Variants in ACSS1 observed in about 807,000 individuals in gnomAD.
ACSS1 encodes the protein acetyl-coenzyme A synthetase 2-like, mitochondrial.
Under a neutral mutation model 75.3 loss-of-function variants are expected in ACSS1, and 42 were observed. That is an observed-to-expected ratio of 0.56 (90% confidence interval 0.44 to 0.72). ACSS1 has a LOEUF of 0.72. ACSS1 is among the 30% of genes least tolerant of loss of function. The pLI is 0.00. For missense variants in ACSS1, 782 were observed against 935.7 expected, an observed-to-expected ratio of 0.84 and a Z score of 2.14; for synonymous variants, 380 against 376.8, an observed-to-expected ratio of 1.01 and a Z score of -0.10.
intron 12 of ACSS1, chr20:25,012,310 A>T: frequency 2.0e-6 from 1 of 489,824 alleles, no homozygotes; most frequent in Admixed American, 3.4e-5. Context: ...CAGATACACC[A>T]TGGACAGAAG....
intron 2 of ACSS1, among the ~76,000 whole-genome samples, chr20:25,036,714 G>A (rs535157844): frequency 6.6e-6 from 1 of 152,168 alleles, no homozygotes; most frequent in African/African-American, 2.4e-5. Context: ...CAGCATTTTG[G>A]GAGGCTGAGG....
In ACSS1 at chr20:25,023,632, T is replaced by C. The variant is rs918153267; in HGVS notation, c.641A>G (p.Lys214Arg). The C allele has an allele frequency of 2.5e-6, 4 of 1,604,340 alleles. No individual in the cohort carries two copies. The highest frequency in any genetic ancestry group is 1.7e-5 in the Admixed American group (1 of 59,450). ...TCCTTGGTTGAAGGTGATAACCACC[T>C]TGCACTTGGCTAACAGAGACAACAC... ...LAGRINDAKC[K>R]VVITFNQGLR... is the part of the protein sequence containing the mutation. Residue 214 changes from lysine to arginine, a missense_variant, in exon 4 of 14, where the codon AAG becomes AGG. Transcript: ENST00000323482.
At chr20:25,041,353 C>G (rs62217192) in intron 2 of ACSS1, among the ~76,000 whole-genome samples, 20,432 of 152,180 alleles carry the variant, frequency 0.13, 1,491 homozygotes, top group African/African-American at 0.18. Context: ...CCAGGCCACA[C>G]TCCCTCTGAC....
At chr20:25,013,929 A>G (rs750572630) in intron 9 of ACSS1, 32 bp downstream of exon 9, 2 of 1,586,426 alleles carry the variant, frequency 1.3e-6, no homozygotes, top group Non-Finnish European at 1.7e-6. Flanking sequence ...GGGCAAGCAC[A>G]TGACCCCCAT....
At chr20:25,052,277 A>G (rs527856725) in intron 1 of ACSS1, among the ~76,000 whole-genome samples, 1 of 152,344 alleles carries the variant, frequency 6.6e-6, no homozygotes, top group East Asian at 1.9e-4. Flanking sequence ...GTGAGACAAG[A>G]AAATTCCATT....
chr20:25,024,125 C>G lies in ACSS1; in HGVS notation c.632-484G>C, dbSNP rs141016457. Among the ~76,000 whole-genome samples the G allele has an allele frequency of 6.9e-3, 1,045 of 152,256 alleles. 11 individuals carry two copies. Among genetic ancestry groups the G allele is most frequent in the African/African-American group, 0.024 (998 of 41,538 alleles). Reference sequence around the variant, plus strand: ...TAGAGTGACTTGTGTGGGCCAAGAGCCTTCACTGTCCAGAGATCAGAAACC... The same window carrying G: ...TAGAGTGACTTGTGTGGGCCAAGAGGCTTCACTGTCCAGAGATCAGAAACC... On this transcript the variant is annotated intron_variant, in intron 3 of 13. Coordinates refer to ENST00000323482, the MANE Select transcript of ACSS1 (RefSeq NM_032501.4).
chr20:25,013,858 C>A, intron 9 of ACSS1, 103 bp downstream of exon 9: 1 of 1,371,822 alleles, frequency 7.3e-7, no homozygotes, highest in African/African-American at 1.4e-5. Flanking sequence ...CAGCAGCCTC[C>A]TGCCAGGTAC....
At chr20:25,025,224 C>T (rs568825413) in intron 3 of ACSS1, among the ~76,000 whole-genome samples, 12 of 152,318 alleles carry the variant, frequency 7.9e-5, no homozygotes, top group South Asian at 2.1e-4. Context: ...CCTCCCAAGG[C>T]GCACACCTCA....
In ACSS1 at chr20:25,024,802, G is replaced by A. The variant is rs551170616; in HGVS notation, c.632-1161C>T. Among the ~76,000 whole-genome samples, 3 of 152,184 alleles carry A rather than the reference G, an allele frequency of 2.0e-5. No homozygotes were observed. The East Asian group carries it at 5.8e-4, about 29-fold the overall frequency. ...TTCTCCTCCTAAGAGCCCTGGAGAT[G>A]TCATGGCCATGAGGGTTCCCTGAGA... On this transcript the variant is annotated intron_variant, in intron 3 of 13. Transcript: ENST00000323482.
In ACSS1 at chr20:25,023,078, C is replaced by T; in HGVS notation, c.822G>A (p.Glu274=). The change falls in exon 5 of 14, where the codon GAG becomes GAA. Residue 274 remains glutamate (E), a synonymous_variant. Transcript: ENST00000323482. ...DVPLEQEMAK[E]DPVCAPESMG... ...TGCTCTCTGGGGCGCAAACAGGGTC[C>T]TCCTTGGCCATTTCCTGGCAGGGAG... The T allele has an allele frequency of 6.2e-7, 1 of 1,612,274 alleles. No individual in the cohort carries two copies. Among genetic ancestry groups the T allele is most frequent in the Non-Finnish European group, 8.5e-7 (1 of 1,179,056 alleles).
At chr20:25,051,335 G>A (rs952455158) in intron 1 of ACSS1, among the ~76,000 whole-genome samples, 22 of 152,232 alleles carry the variant, frequency 1.4e-4, no homozygotes, top group African/African-American at 4.6e-4. Context: ...GACCACTTGC[G>A]TCCTCGAGCC....
chr20:25,024,774 C>T (rs2088686921), intron 3 of ACSS1, among the ~76,000 whole-genome samples: 1 of 152,192 alleles, frequency 6.6e-6, no homozygotes, highest in Admixed American at 6.5e-5. Context: ...ACAGGCCCAC[C>T]CTTTCTCCTC....
Position 25,056,036 on chromosome 20 carries a change from G to A in ACSS1, c.334+1733C>T, listed in dbSNP as rs1412928519. 2.6e-5 allele frequency among the ~76,000 whole-genome samples: 4 copies of A among 152,172 alleles called. No homozygotes were observed. In the East Asian group the frequency reaches 5.8e-4, roughly 22 times the overall value. ...TTCTGAAGCTCAATTTCTGGCTAACGTAGCCATAAAGGCCATATTATCAGA... is the reference window on the plus strand; with the variant it reads ...TTCTGAAGCTCAATTTCTGGCTAACATAGCCATAAAGGCCATATTATCAGA... On this transcript the variant is annotated intron_variant, in intron 1 of 13. Coordinates refer to ENST00000323482, the MANE Select transcript of ACSS1 (RefSeq NM_032501.4).
At chr20:25,047,434 G>A (rs1431048529) in intron 2 of ACSS1, among the ~76,000 whole-genome samples, 1 of 152,172 alleles carries the variant, frequency 6.6e-6, no homozygotes, top group Non-Finnish European at 1.5e-5. Context: ...GCCACACTCT[G>A]CCATGTGCTT....
At chr20:25,021,613 G>A (rs963569099) in intron 5 of ACSS1, 77 bp from the exon 6 acceptor site, 13 of 1,549,752 alleles carry the variant, frequency 8.4e-6, no homozygotes, top group African/African-American at 1.4e-5. Flanking sequence ...TAGGAAATAG[G>A]CATGCATAGG....
At chr20:25,034,003 C>T (rs2088869920) in intron 2 of ACSS1, among the ~76,000 whole-genome samples, 1 of 152,232 alleles carries the variant, frequency 6.6e-6, no homozygotes, top group South Asian at 2.1e-4. Flanking sequence ...GAGTCTCACA[C>T]TCTTGCTGCT....
chr20:25,007,377 C>G lies in ACSS1; in HGVS notation c.*385G>C, dbSNP rs908326953. On this transcript the variant is annotated 3_prime_UTR_variant, in exon 14 of 14. Coordinates refer to ENST00000323482, the MANE Select transcript of ACSS1 (RefSeq NM_032501.4). The stretch of plus-strand genomic sequence containing the variant: ...TTCTGACCTTTGTATCTAGACAGAT[C>G]TGGAGAAAACACGGTTGCTACTAGC... The G allele has an allele frequency of 1.9e-5, 21 of 1,098,068 alleles. No individual in the cohort carries two copies. Among genetic ancestry groups the G allele is most frequent in the Non-Finnish European group, 2.2e-5 (20 of 900,900 alleles). The allele number at this position is 1,098,068 out of a possible 1,614,324, so 68.0% of individuals were successfully genotyped here.
rs1479399135 is a variant in ACSS1 at position 25,007,496 on chromosome 20, C to T, written c.*266G>A. 6.1e-6 allele frequency: 8 copies of T among 1,301,932 alleles called. No individual in the cohort carries two copies. The East Asian group carries it at 2.6e-4, about 42-fold the overall frequency. The allele number at this position is 1,301,932 out of a possible 1,614,324, so 80.6% of individuals were successfully genotyped here. On this transcript the variant is annotated 3_prime_UTR_variant, in exon 14 of 14. Coordinates refer to ENST00000323482, the MANE Select transcript of ACSS1 (RefSeq NM_032501.4). The stretch of plus-strand genomic sequence containing the variant: ...GGGCAGAGGAATGGAGATGGCAATG[C>T]CTTTTCATTCCAGGAAACCAAACTC...
intron 13 of ACSS1, among the ~76,000 whole-genome samples, chr20:25,008,309 T>C (rs1600301761): frequency 6.6e-6 from 1 of 152,192 alleles, no homozygotes; most frequent in East Asian, 1.9e-4. Flanking sequence ...ACTTGGCAGG[T>C]TTTGTCTTAC....
Sources: gnomAD v4.1 joint callset for allele counts (sites outside exome capture counted in the v4.1 genomes callset) on GRCh38, gnomAD v4.1.1 for gene constraint, MANE v1.5 for transcripts, NCBI Gene and HGNC (gene_info 2026-07-23, HGNC 2026-07-21) for gene names.